The following ADGRB3 variants were observed in gnomAD, a reference collection of about 807,000 sequenced individuals.
ADGRB3 encodes the protein adhesion G protein-coupled receptor B3, also known as brain-specific angiogenesis inhibitor 3.
A neutral mutation model predicts 193.4 loss-of-function variants in ADGRB3; 37 were observed. The ratio of observed to expected loss-of-function variants is 0.19; its 90% CI spans 0.15 to 0.25. The LOEUF is 0.25. Among genes scored for constraint, ADGRB3 ranks in the 10% least tolerant of loss-of-function variants. The probability of loss-of-function intolerance (pLI) is 1.00; values close to 1 mark genes in which losing one functional copy is unlikely to be tolerated. For missense variants in ADGRB3, 1,637 were observed against 1,852.9 expected, an observed-to-expected ratio of 0.88 and a Z score of 2.14; for synonymous variants, 690 against 644.2, an observed-to-expected ratio of 1.07 and a Z score of -1.08.
At chr6:68,994,041 T>C in intron 11 of ADGRB3, 79 bp downstream of exon 11, 1 of 1,397,638 alleles carries the variant, frequency 7.2e-7, no homozygotes, top group Non-Finnish European at 9.9e-7. Flanking sequence ...AGTGCAGCCG[T>C]CTTGGAGGCG....
At chr6:69,327,798 C>T (rs775866166) in intron 21 of ADGRB3, 22 bp from the exon 22 acceptor site, 62 of 1,599,196 alleles carry the variant, frequency 3.9e-5, no homozygotes, top group Middle Eastern at 1.7e-4. Context: ...AATATGAATG[C>T]GTGACATTGC....
intron 4 of ADGRB3, among the ~76,000 whole-genome samples, chr6:68,935,599 A>G (rs1473252995): frequency 1.3e-5 from 2 of 152,194 alleles, no homozygotes; most frequent in South Asian, 2.1e-4. Flanking sequence ...TAAATGATCC[A>G]GTGTGACTTT....
chr6:69,048,130 A>G (rs891262727), intron 13 of ADGRB3, 55 bp from the exon 14 acceptor site: 7 of 1,544,796 alleles, frequency 4.5e-6, no homozygotes, highest in Non-Finnish European at 3.5e-6. Context: ...ATCAACACTG[A>G]TTACACTAAA....
At chr6:69,026,508 A>G (rs1770436015) in intron 13 of ADGRB3, among the ~76,000 whole-genome samples, 1 of 152,174 alleles carries the variant, frequency 6.6e-6, no homozygotes, top group Non-Finnish European at 1.5e-5. Flanking sequence ...TGAAGTCAGA[A>G]AGGGAGAGGG....
At chr6:68,785,283 T>A (rs1289039322) in intron 3 of ADGRB3, among the ~76,000 whole-genome samples, 2 of 151,090 alleles carry the variant, frequency 1.3e-5, no homozygotes, top group East Asian at 3.9e-4. Context: ...ATTAGATATA[T>A]CTCCTAATGC....
chr6:68,893,770 G>A (rs1158378209), intron 3 of ADGRB3, among the ~76,000 whole-genome samples: 2 of 151,670 alleles, frequency 1.3e-5, no homozygotes, highest in Non-Finnish European at 2.9e-5. Context: ...TAAGTTTTTT[G>A]CCAATATATA....
chr6:69,058,503 C>T (rs897374313), intron 15 of ADGRB3, among the ~76,000 whole-genome samples: 1 of 151,690 alleles, frequency 6.6e-6, no homozygotes, highest in Non-Finnish European at 1.5e-5. Flanking sequence ...TAGTTTATGC[C>T]TCTTTTTCAA....
intron 3 of ADGRB3, among the ~76,000 whole-genome samples, chr6:68,705,216 AAC>A (rs1481639280): frequency 2.0e-5 from 3 of 152,216 alleles, no homozygotes; most frequent in Non-Finnish European, 4.4e-5. Flanking sequence ...AGCATTCTGT[AAC>A]ACTCAATATA....
At chr6:69,327,799 G>A (rs1330127903) in intron 21 of ADGRB3, 21 bp from the exon 22 acceptor site, 21 of 1,599,928 alleles carry the variant, frequency 1.3e-5, no homozygotes, top group South Asian at 3.3e-5. Context: ...ATATGAATGC[G>A]TGACATTGCT....
chr6:69,367,291 A>G (rs976456219), intron 29 of ADGRB3, among the ~76,000 whole-genome samples: 3 of 152,142 alleles, frequency 2.0e-5, no homozygotes, highest in Non-Finnish European at 2.9e-5. Flanking sequence ...TTGTAAAGCA[A>G]TGGAAGCAAA....
chr6:68,850,666 C>G (rs955822675), intron 3 of ADGRB3, among the ~76,000 whole-genome samples: 1 of 152,094 alleles, frequency 6.6e-6, no homozygotes, highest in Non-Finnish European at 1.5e-5. Context: ...TGTTGAGTCT[C>G]TACTTCACAG....
intron 3 of ADGRB3, among the ~76,000 whole-genome samples, chr6:68,790,577 C>T (rs1336647280): frequency 6.6e-6 from 1 of 152,134 alleles, no homozygotes; most frequent in Non-Finnish European, 1.5e-5. Context: ...CCAGGTACTC[C>T]TCTGAGACAA....
chr6:69,024,147 G>A (rs957428818), intron 13 of ADGRB3, among the ~76,000 whole-genome samples: 8 of 152,000 alleles, frequency 5.3e-5, no homozygotes, highest in South Asian at 4.1e-4. Flanking sequence ...TGATATCTAC[G>A]TTAAAAACAA....
At chr6:69,061,261 T>G (rs779414442) in intron 15 of ADGRB3, among the ~76,000 whole-genome samples, 12 of 151,980 alleles carry the variant, frequency 7.9e-5, no homozygotes, top group Non-Finnish European at 1.5e-4. Context: ...TGTTAACCCA[T>G]GCGAAACAGG....
At chr6:68,907,116 A>G (rs1582303980) in intron 3 of ADGRB3, among the ~76,000 whole-genome samples, 1 of 151,958 alleles carries the variant, frequency 6.6e-6, no homozygotes, top group African/African-American at 2.4e-5. Context: ...TTCGGATTCA[A>G]ATTTATAGTT....
chr6:68,761,915 T>C (rs1766401398), intron 3 of ADGRB3, among the ~76,000 whole-genome samples: 2 of 152,188 alleles, frequency 1.3e-5, no homozygotes, highest in South Asian at 2.1e-4. Context: ...CATTATATTG[T>C]CTAGTATTTT....
chr6:68,976,954 T>A (rs775762551), intron 10 of ADGRB3, among the ~76,000 whole-genome samples: 215 of 147,900 alleles, frequency 1.5e-3, no homozygotes, highest in African/African-American at 4.6e-3. Context: ...AAATATATAT[T>A]TTTTTATATT....
chr6:68,951,712 C>G (rs1767925156), intron 6 of ADGRB3, among the ~76,000 whole-genome samples: 2 of 152,118 alleles, frequency 1.3e-5, no homozygotes, highest in Non-Finnish European at 2.9e-5. Context: ...AAGACAGTTT[C>G]AGAAAGAAAG....
Position 68,770,480 on chromosome 6 carries a change from T to C in ADGRB3, c.757+131048T>C, listed in dbSNP as rs532337080. 3.9e-5 allele frequency among the ~76,000 whole-genome samples: 6 copies of C among 152,198 alleles called. No homozygotes were observed. In the South Asian group the frequency reaches 1.2e-3, roughly 32 times the overall value. Reference sequence around the variant, plus strand: ...TTTGATCCACACTACTGACACCATATCCACCAGCAATCTAGATGAAATAAT... The same window carrying C: ...TTTGATCCACACTACTGACACCATACCCACCAGCAATCTAGATGAAATAAT... On this transcript the variant is annotated intron_variant, in intron 3 of 31. Transcript: ENST00000370598.
Sources: allele counts gnomAD v4.1 joint callset (sites outside exome capture counted in the v4.1 genomes callset), GRCh38; gene constraint gnomAD v4.1.1; transcripts MANE v1.5; gene names NCBI Gene and HGNC (gene_info 2026-07-23, HGNC 2026-07-21).